LPA: variants seen among roughly 807,000 people sequenced by gnomAD.
LPA encodes apolipoprotein(a).
LPA carries 199 observed loss-of-function variants against 197.9 expected under a neutral mutation model. The observed-to-expected ratio is 1.01, with a 90% CI of 0.90 to 1.13. The LOEUF is 1.13. Ranked by LOEUF, LPA falls within the 50% of genes most tolerant of loss-of-function variation. The pLI, the probability that LPA is intolerant of heterozygous loss-of-function variation, is 0.00. For synonymous variants in LPA, 715 were observed against 639.5 expected (o/e 1.12, Z -1.78); for missense variants, 1,853 against 1,785.8 (o/e 1.04, Z -0.68).
In LPA at chr6:160,589,670, C is replaced by T; in HGVS notation, c.3830G>A (p.Gly1277Asp). 3.7e-6 allele frequency: 6 copies of T among 1,613,928 alleles called. No individual in the cohort carries two copies. Among genetic ancestry groups the T allele is most frequent in the Non-Finnish European group, 5.1e-6 (6 of 1,179,862 alleles). Residue 1277 changes from glycine (G) to aspartate (D), a missense_variant, in exon 24 of 39, where the codon GGT (glycine) becomes GAT (aspartate). Gly to Asp is a moderately conservative substitution (Grantham distance 94). Coordinates refer to ENST00000316300, the MANE Select transcript of LPA (RefSeq NM_005577.4). ...QSPTVQDCYH[G>D]DGQSYRGSFS... is the part of the protein sequence containing the mutation. ...TGAGCCTCGATAACTCTGTCCATCA[C>T]CATGGTAGCAGTCCTGGACTGTGGG... is the stretch of plus-strand genomic sequence containing the variant.
chr6:160,654,018 A>G (rs1562354780), intron 1 of LPA, among the ~76,000 whole-genome samples: 2 of 9,236 alleles, frequency 2.2e-4, no homozygotes, highest in African/African-American at 4.2e-4. Context: ...TATATTATAT[A>G]TAATATATAA....
chr6:160,647,203 A>T lies in LPA; in HGVS notation c.210-808T>A, dbSNP rs117026595. Reference sequence around the variant, plus strand: ...AAGAACAGTGGGTCCCATGGCATAAAGGAAGATGGCAGGAAGACTAAGAGA... The same window carrying T: ...AAGAACAGTGGGTCCCATGGCATAATGGAAGATGGCAGGAAGACTAAGAGA... On this transcript the variant is annotated intron_variant, in intron 2 of 38. Transcript: ENST00000316300. Among the ~76,000 whole-genome samples the T allele has an allele frequency of 9.0e-3, 1,370 of 152,280 alleles. 8 individuals are homozygous for T. The highest frequency in any genetic ancestry group is 0.015 in the South Asian group (72 of 4,826).
chr6:160,661,678 T>C (rs1009741552), intron 1 of LPA, among the ~76,000 whole-genome samples: 1 of 152,232 alleles, frequency 6.6e-6, no homozygotes, highest in African/African-American at 2.4e-5. Flanking sequence ...TGATGCATTC[T>C]GAACCTAATC....
chr6:160,576,394 ATATATATATATATATATATATGGG>A (rs1256055663), intron 28 of LPA, among the ~76,000 whole-genome samples: 12,780 of 53,670 alleles, frequency 0.24, 2,327 homozygotes, highest in African/African-American at 0.49. Flanking sequence ...ATATATGTAT[ATATATATATATATATATATATGGG>A]TATATATATA....
intron 2 of LPA, among the ~76,000 whole-genome samples, chr6:160,648,335 A>ATT (rs1779941314): frequency 6.6e-6 from 1 of 152,106 alleles, no homozygotes; most frequent in African/African-American, 2.4e-5. Flanking sequence ...TATAATTGTC[A>ATT]TTTTAGAAAT....
In LPA at chr6:160,586,579, C is replaced by G. The variant is rs1463372557; in HGVS notation, c.3999G>C (p.Trp1333Cys). 1 of 1,613,772 alleles carries G rather than the reference C, an allele frequency of 6.2e-7. No individual in the cohort carries two copies. Among genetic ancestry groups the G allele is most frequent in the Non-Finnish European group, 8.5e-7 (1 of 1,179,818 alleles). ...CRNPDAEIRP[W>C]CYTMDPSVRW... Reference sequence around the variant, plus strand: ...TGACACTGGGATCCATGGTATAACACCAAGGGCGAATCTCAGCATCTGGAT... The same window carrying G: ...TGACACTGGGATCCATGGTATAACAGCAAGGGCGAATCTCAGCATCTGGAT... Residue 1333 changes from tryptophan to cysteine, a missense_variant, in exon 25 of 39, where the codon TGG becomes TGC. Trp to Cys is a radical substitution (Grantham distance 215). This residue lies in a region of LPA where 1,737 missense variants were observed against 1,504.4 expected (regional missense o/e 1.15). Transcript: ENST00000316300.
chr6:160,602,994 GTTTTTT>G (rs10548212), intron 18 of LPA, among the ~76,000 whole-genome samples: 2 of 121,402 alleles, frequency 1.6e-5, no homozygotes, highest in African/African-American at 6.0e-5. Flanking sequence ...GAATCATACA[GTTTTTT>G]TTTTTTTTTT....
chr6:160,605,840 A>C (rs1165061086), intron 17 of LPA, among the ~76,000 whole-genome samples: 2 of 152,116 alleles, frequency 1.3e-5, no homozygotes. Context: ...AGTTGCAATA[A>C]TACAGAAGTC....
chr6:160,579,036 G>T (rs1778740141), intron 26 of LPA, among the ~76,000 whole-genome samples: 1 of 152,048 alleles, frequency 6.6e-6, no homozygotes, highest in Admixed American at 6.6e-5. Context: ...AAATGACACA[G>T]ATTTTGAAAT....
At chr6:160,569,085 C>A (rs1778515555) in intron 28 of LPA, among the ~76,000 whole-genome samples, 2 of 152,246 alleles carry the variant, frequency 1.3e-5, no homozygotes, top group African/African-American at 4.8e-5. Flanking sequence ...TCAATGCCAT[C>A]CCCATCAAGC....
rs866785746 is a variant in LPA at position 160,594,110 on chromosome 6, C to T, written c.3477G>A (p.Thr1159=). The T allele has an allele frequency of 6.2e-6, 10 of 1,613,660 alleles. No homozygotes were observed. Among genetic ancestry groups the T allele is most frequent in the Middle Eastern group, 1.6e-4 (1 of 6,082 alleles). Reference sequence around the variant, plus strand: ...AATCCTGGACCCCGGGGCTTTGCTCCGTTGGTGCTGAAATTCAAAGAGGAG... The same window carrying T: ...AATCCTGGACCCCGGGGCTTTGCTCTGTTGGTGCTGAAATTCAAAGAGGAG... ...STEASSEEAP[T]EQSPGVQDCY... is the part of the protein sequence containing the mutation. The change falls in exon 22 of 39, where the codon ACG becomes ACA. Residue 1159 remains threonine (T), a synonymous_variant. Coordinates refer to ENST00000316300, the MANE Select transcript of LPA (RefSeq NM_005577.4).
At chr6:160,597,670 T>C (rs1226439398) in intron 20 of LPA, among the ~76,000 whole-genome samples, 1 of 152,260 alleles carries the variant, frequency 6.6e-6, no homozygotes, top group African/African-American at 2.4e-5. Context: ...CTTGATATGA[T>C]ATCTGTTACG....
At chr6:160,584,215 CTTCTTCTTCTTCTTCTTCTTCT>C (rs1268636347) in intron 26 of LPA, among the ~76,000 whole-genome samples, 9 of 125,148 alleles carry the variant, frequency 7.2e-5, no homozygotes, top group Admixed American at 1.8e-4. Context: ...TCTTCTTCTT[CTTCTTCTTCTTCTTCTTCTTCT>C]TCCTCCTCCT....
chr6:160,569,430 T>C lies in LPA; in HGVS notation c.4631+7706A>G, dbSNP rs567548506. On this transcript the variant is annotated intron_variant, in intron 28 of 38. Coordinates refer to ENST00000316300, the MANE Select transcript of LPA (RefSeq NM_005577.4). Reference sequence around the variant, plus strand: ...GTGCTGGGAAAACTGCCTAGCCATATGTAGAAAGCTGAAACTGGATCCCTT... The same window carrying C: ...GTGCTGGGAAAACTGCCTAGCCATACGTAGAAAGCTGAAACTGGATCCCTT... 1.2e-3 allele frequency among the ~76,000 whole-genome samples: 175 copies of C among 152,126 alleles called. 2 individuals carry two copies. Among genetic ancestry groups the C allele is most frequent in the African/African-American group, 3.9e-3 (160 of 41,548 alleles).
intron 26 of LPA, among the ~76,000 whole-genome samples, chr6:160,584,494 G>A (rs975695319): frequency 2.6e-5 from 4 of 151,488 alleles, no homozygotes; most frequent in African/African-American, 9.7e-5. Flanking sequence ...ACCATGACCG[G>A]CTAATTTTTT....
chr6:160,577,384 C>T (rs2115031201), intron 27 of LPA, 89 bp from the exon 28 acceptor site: 1 of 1,242,362 alleles, frequency 8.0e-7, no homozygotes, highest in Non-Finnish European at 1.2e-6. Context: ...GGACAGTAGC[C>T]TCTGAAAATT....
At chr6:160,567,170 C>T (rs983229854) in intron 28 of LPA, among the ~76,000 whole-genome samples, 2 of 152,226 alleles carry the variant, frequency 1.3e-5, no homozygotes, top group African/African-American at 4.8e-5. Context: ...GAACTCTCCA[C>T]CCCAAATCAA....
intron 1 of LPA, among the ~76,000 whole-genome samples, chr6:160,661,876 T>C (rs1306619319): frequency 2.0e-5 from 3 of 152,236 alleles, no homozygotes; most frequent in Non-Finnish European, 2.9e-5. Flanking sequence ...AGGTGCTTCC[T>C]ACAGTGAGTT....
In LPA at chr6:160,609,264, A is replaced by G. The variant is rs144038729; in HGVS notation, c.2603+2298T>C. ...GGCAGTGCACAATATGCATTTATCCAACATGGATGATCTTCAAGGCATTTT... is the reference window on the plus strand; with the variant it reads ...GGCAGTGCACAATATGCATTTATCCGACATGGATGATCTTCAAGGCATTTT... On this transcript the variant is annotated intron_variant, in intron 16 of 38. Transcript: ENST00000316300. Among the ~76,000 whole-genome samples the G allele has an allele frequency of 1.2e-3, 177 of 152,098 alleles. 1 individual carries two copies. Among genetic ancestry groups the G allele is most frequent in the Middle Eastern group, 6.8e-3 (2 of 294 alleles).
Sources: gnomAD v4.1 joint callset for allele counts (sites outside exome capture counted in the v4.1 genomes callset) on GRCh38, gnomAD v4.1.1 for gene constraint, gnomAD v4.1.1 regional missense constraint, MANE v1.5 for transcripts, NCBI Gene and HGNC (gene_info 2026-07-23, HGNC 2026-07-21) for gene names.